The following TTC28 variants were observed in gnomAD, a reference collection of about 807,000 sequenced individuals.
TTC28 encodes the protein tetratricopeptide repeat domain 28, also known as tetratricopeptide repeat protein 28.
In TTC28, 61 loss-of-function variants were observed where a neutral mutation model predicts 198.0. The observed-to-expected ratio is 0.31, with a 90% CI of 0.25 to 0.38. The LOEUF (loss-of-function observed/expected upper bound fraction) is 0.38, where lower values mean the gene tolerates loss of function less well. Ranked by LOEUF, TTC28 falls within the 10% of genes least tolerant of loss-of-function variation. TTC28 has a pLI of 1.00. For synonymous variants in TTC28, 1,171 were observed against 1,297.8 expected (o/e 0.90, Z 2.10); for missense variants, 2,678 against 3,164.0 (o/e 0.85, Z 3.69).
At chr22:28,053,399 T>C (rs1478953525) in intron 12 of TTC28, among the ~76,000 whole-genome samples, 2 of 152,246 alleles carry the variant, frequency 1.3e-5, no homozygotes, top group Admixed American at 6.5e-5. Context: ...CAAGATAGGA[T>C]AGGGTCAGAG....
rs540639395 is a variant in TTC28, at chr22:28,216,344, A to G, written c.934-52745T>C. On this transcript the variant is annotated intron_variant, in intron 5 of 22. Coordinates refer to ENST00000397906, the MANE Select transcript of TTC28 (RefSeq NM_001145418.2). ...TGTTCAATGAGTGGGAGTGCAAAGA[A>G]AGTAAGAAAAGCCTTCAAAGAGGAG... Among the ~76,000 whole-genome samples the G allele has an allele frequency of 9.8e-4, 149 of 152,326 alleles. 1 individual carries two copies. Among genetic ancestry groups the G allele is most frequent in the Non-Finnish European group, 1.8e-3 (120 of 68,036 alleles).
At chr22:28,495,811 A>C (rs2048446959) in intron 2 of TTC28, among the ~76,000 whole-genome samples, 1 of 152,130 alleles carries the variant, frequency 6.6e-6, no homozygotes, top group African/African-American at 2.4e-5. Context: ...AGTTTAACAC[A>C]ACTGGGTAGA....
At chr22:28,582,590 A>G (rs993334328) in intron 2 of TTC28, among the ~76,000 whole-genome samples, 1 of 152,170 alleles carries the variant, frequency 6.6e-6, no homozygotes, top group Non-Finnish European at 1.5e-5. Context: ...GTAACCTAAC[A>G]TGACTAGAAA....
chr22:28,641,869 T>G (rs1057112346), intron 1 of TTC28, among the ~76,000 whole-genome samples: 2 of 152,098 alleles, frequency 1.3e-5, no homozygotes, highest in African/African-American at 4.8e-5. Context: ...AGTTTAAAAA[T>G]TTATAACACA....
intron 13 of TTC28, chr22:28,029,109 T>A (rs770951566): frequency 4.2e-6 from 2 of 471,182 alleles, no homozygotes; most frequent in Non-Finnish European, 8.8e-6. Flanking sequence ...GCAAACCTGG[T>A]TGCATCCCTA....
chr22:28,126,430 A>G (rs906759627), intron 6 of TTC28, among the ~76,000 whole-genome samples: 12 of 152,290 alleles, frequency 7.9e-5, no homozygotes, highest in African/African-American at 2.9e-4. Context: ...GCTCTCTACA[A>G]TGGTTCACTT....
chr22:28,399,192 A>C (rs570377333), intron 2 of TTC28, among the ~76,000 whole-genome samples: 5 of 151,516 alleles, frequency 3.3e-5, no homozygotes, highest in Non-Finnish European at 7.4e-5. Flanking sequence ...TTGCTGCCAA[A>C]CTCTTAATAC....
At chr22:28,126,309 T>C (rs977263794) in intron 6 of TTC28, among the ~76,000 whole-genome samples, 24 of 152,186 alleles carry the variant, frequency 1.6e-4, no homozygotes, top group African/African-American at 5.1e-4. Context: ...ATGGCTGGGG[T>C]TGGCCACGGA....
chr22:28,027,833 G>A (rs985225879), intron 13 of TTC28, among the ~76,000 whole-genome samples: 1 of 152,246 alleles, frequency 6.6e-6, no homozygotes, highest in African/African-American at 2.4e-5. Flanking sequence ...GAAGCTGCGA[G>A]GCATGTTTTG....
At chr22:28,204,794 T>C (rs949017698) in intron 5 of TTC28, among the ~76,000 whole-genome samples, 1 of 152,144 alleles carries the variant, frequency 6.6e-6, no homozygotes, top group Admixed American at 6.6e-5. Context: ...TAAATACTCA[T>C]AAATGTTAGA....
At chr22:28,035,857 C>T (rs1939319318) in intron 12 of TTC28, among the ~76,000 whole-genome samples, 1 of 152,184 alleles carries the variant, frequency 6.6e-6, no homozygotes, top group African/African-American at 2.4e-5. Context: ...ATAAAACAGA[C>T]TTTAAACCAA....
At chr22:28,296,140 G>A (rs781012455) in intron 5 of TTC28, 58 bp downstream of exon 5, 1 of 1,490,928 alleles carries the variant, frequency 6.7e-7, no homozygotes, top group Non-Finnish European at 9.0e-7. Flanking sequence ...ACAGAAAATA[G>A]AGCTCCACAT....
chr22:28,333,373 T>C (rs1487913497), intron 2 of TTC28, among the ~76,000 whole-genome samples: 6 of 152,122 alleles, frequency 3.9e-5, no homozygotes, highest in Admixed American at 3.9e-4. Context: ...TAACTTAGTA[T>C]ACAGATATCA....
At chr22:27,990,036 CTG>C (rs1937344928) in intron 20 of TTC28, 29 bp from the exon 21 acceptor site, 2 of 1,539,228 alleles carry the variant, frequency 1.3e-6, no homozygotes, top group Admixed American at 2.0e-5. Context: ...CGTGAGCACC[CTG>C]TGTCTCCTTC....
At chr22:28,176,989 G>A (rs1923221756) in intron 5 of TTC28, among the ~76,000 whole-genome samples, 1 of 151,932 alleles carries the variant, frequency 6.6e-6, no homozygotes, top group African/African-American at 2.4e-5. Flanking sequence ...TTATATATAA[G>A]ACCAAAAATA....
chr22:28,038,476 C>G (rs1939458435), intron 12 of TTC28, among the ~76,000 whole-genome samples: 1 of 152,128 alleles, frequency 6.6e-6, no homozygotes, highest in Non-Finnish European at 1.5e-5. Flanking sequence ...ATGTAGAAAG[C>G]TGAAACTGGA....
intron 2 of TTC28, among the ~76,000 whole-genome samples, chr22:28,454,249 C>T (rs964229381): frequency 6.6e-6 from 1 of 152,322 alleles, no homozygotes; most frequent in Admixed American, 6.5e-5. Flanking sequence ...CTCTGTGCAT[C>T]CAATAGCTTA....
chr22:28,600,122 C>T (rs1210121980), intron 2 of TTC28, among the ~76,000 whole-genome samples: 1 of 151,994 alleles, frequency 6.6e-6, no homozygotes, highest in Non-Finnish European at 1.5e-5. Context: ...GGGAGAGGCA[C>T]GGTGGCTCAC....
At chr22:28,567,479 C>CATACATATATATAT (rs751694635) in intron 2 of TTC28, among the ~76,000 whole-genome samples, 12 of 51,144 alleles carry the variant, frequency 2.3e-4, no homozygotes, top group East Asian at 9.7e-4. Flanking sequence ...TACATACATA[C>CATACATATATATAT]ATATATATAT....
Sources: allele counts gnomAD v4.1 joint callset (sites outside exome capture counted in the v4.1 genomes callset), GRCh38; gene constraint gnomAD v4.1.1; transcripts MANE v1.5; gene names NCBI Gene and HGNC (gene_info 2026-07-23, HGNC 2026-07-21).